TTC23: variants seen among roughly 807,000 people sequenced by gnomAD.
TTC23 encodes the protein tetratricopeptide repeat domain 23.
In TTC23, 58 loss-of-function variants were observed where a neutral mutation model predicts 55.1. That is an observed-to-expected ratio of 1.05 (90% CI 0.85 to 1.31). TTC23 has a LOEUF of 1.31. TTC23 is among the 50% of genes most tolerant of loss of function. The probability of loss-of-function intolerance (pLI) is 0.00; values close to 1 mark genes in which losing one functional copy is unlikely to be tolerated. For synonymous variants in TTC23, 203 were observed against 199.9 expected (o/e 1.02, Z -0.13); for missense variants, 516 against 534.4 (o/e 0.97, Z 0.34).
At chr15:99,239,014 A>C (rs1272106491) in intron 3 of TTC23, among the ~76,000 whole-genome samples, 1 of 152,224 alleles carries the variant, frequency 6.6e-6, no homozygotes, top group Non-Finnish European at 1.5e-5. Flanking sequence ...CAGGCTAAGA[A>C]GGCATTCATT....
intron 5 of TTC23, among the ~76,000 whole-genome samples, chr15:99,224,412 G>A (rs1260700802): frequency 6.6e-6 from 1 of 152,048 alleles, no homozygotes. Context: ...CTACATGCAG[G>A]TTTACAGCTG....
intron 8 of TTC23, among the ~76,000 whole-genome samples, chr15:99,207,583 C>T (rs1027801949): frequency 7.9e-5 from 12 of 152,088 alleles, no homozygotes; most frequent in Non-Finnish European, 1.6e-4. Flanking sequence ...ACGGTGAAAC[C>T]CCGTCTCTAC....
chr15:99,161,171 T>C (rs2071330091), intron 11 of TTC23: 1 of 151,878 alleles, frequency 6.6e-6, no homozygotes, highest in Admixed American at 6.6e-5. Flanking sequence ...ATTGTATATA[T>C]ATATATGTAT....
chr15:99,156,122 C>T (rs767409478), intron 12 of TTC23, 26 bp downstream of exon 12: 18 of 1,613,842 alleles, frequency 1.1e-5, no homozygotes, highest in South Asian at 3.3e-5. Context: ...AGCCTAGTCT[C>T]GTGTTAGTAC....
intron 10 of TTC23, among the ~76,000 whole-genome samples, chr15:99,167,104 AC>A (rs1373478213): frequency 6.6e-6 from 1 of 151,922 alleles, no homozygotes; most frequent in Non-Finnish European, 1.5e-5. Context: ...CAAAGGGGTC[AC>A]TTCCTGAGAA....
chr15:99,231,993 T>C (rs1230892446), intron 4 of TTC23, among the ~76,000 whole-genome samples: 1 of 150,198 alleles, frequency 6.7e-6, no homozygotes, highest in Non-Finnish European at 1.5e-5. Flanking sequence ...GGTTTCTCCA[T>C]GTTGGTCAGG....
At chr15:99,145,487 A>C (rs1194892534) in intron 12 of TTC23, 1 of 151,124 alleles carries the variant, frequency 6.6e-6, no homozygotes, top group East Asian at 2.0e-4. Flanking sequence ...AGGAGGTGAC[A>C]CTGGAGTGAC....
chr15:99,178,692 T>C (rs772834719), intron 9 of TTC23, among the ~76,000 whole-genome samples: 6 of 152,206 alleles, frequency 3.9e-5, no homozygotes, highest in African/African-American at 7.2e-5. Context: ...ACTTCCTATC[T>C]ACCCTTACTC....
intron 9 of TTC23, among the ~76,000 whole-genome samples, chr15:99,191,815 AAC>A (rs1330180511): frequency 6.6e-6 from 1 of 152,184 alleles, no homozygotes; most frequent in Non-Finnish European, 1.5e-5. Flanking sequence ...CAGAGGTTGG[AAC>A]AGTTTGGAGG....
At chr15:99,249,663 C>T (rs2080557457), upstream of TTC23, 1 of 152,148 alleles carries the variant, frequency 6.6e-6, no homozygotes. Context: ...AGTTTGCAAA[C>T]CAATCTTTGG....
chr15:99,205,331 T>G (rs983302617), intron 8 of TTC23, among the ~76,000 whole-genome samples: 52 of 152,104 alleles, frequency 3.4e-4, no homozygotes, highest in African/African-American at 1.2e-3. Flanking sequence ...TCTATTTCAA[T>G]GAAGAATGTA....
intron 1 of TTC23, chr15:99,248,406 A>G (rs2080445976): frequency 6.6e-6 from 1 of 152,202 alleles, no homozygotes; most frequent in Admixed American, 6.5e-5. Context: ...AAAGTTTCCA[A>G]ATGAACCTTC....
chr15:99,206,814 C>T (rs1437481146), intron 8 of TTC23, among the ~76,000 whole-genome samples: 2 of 151,866 alleles, frequency 1.3e-5, no homozygotes, highest in Non-Finnish European at 2.9e-5. Context: ...TTTATTTGTG[C>T]TTGGATTTTT....
intron 10 of TTC23, among the ~76,000 whole-genome samples, chr15:99,164,724 G>C (rs1376724236): frequency 2.6e-5 from 4 of 152,188 alleles, no homozygotes; most frequent in Admixed American, 2.6e-4. Flanking sequence ...CTTTTCCAAT[G>C]AATTGATTTG....
chr15:99,195,690 A>G (rs2075635915), intron 9 of TTC23, among the ~76,000 whole-genome samples: 1 of 152,192 alleles, frequency 6.6e-6, no homozygotes, highest in East Asian at 1.9e-4. Flanking sequence ...CACAGAATGT[A>G]CAATGCCAAG....
At chr15:99,139,458 TAAG>T in intron 12 of TTC23, 59 bp from the exon 13 acceptor site, 1 of 1,610,108 alleles carries the variant, frequency 6.2e-7, no homozygotes. Flanking sequence ...AGCAGGAAAC[TAAG>T]GTCTCCCTTG....
chr15:99,163,483 G>A (rs1272510158), intron 10 of TTC23, among the ~76,000 whole-genome samples: 3 of 152,206 alleles, frequency 2.0e-5, no homozygotes, highest in Non-Finnish European at 4.4e-5. Flanking sequence ...ATTTCAGTCT[G>A]AGCAGAGAAG....
intron 9 of TTC23, among the ~76,000 whole-genome samples, chr15:99,184,761 A>C (rs764080411): frequency 3.3e-5 from 5 of 152,120 alleles, no homozygotes; most frequent in Admixed American, 1.3e-4. Context: ...GAAGGGCATG[A>C]CTATGTTTTG....
chr15:99,191,002 C>G (rs1278057918), intron 9 of TTC23, among the ~76,000 whole-genome samples: 1 of 151,968 alleles, frequency 6.6e-6, no homozygotes. Context: ...CCAGGCTGGT[C>G]TTGAACTTCT....
Sources: allele counts gnomAD v4.1 joint callset (sites outside exome capture counted in the v4.1 genomes callset), GRCh38; gene constraint gnomAD v4.1.1; transcripts MANE v1.5; gene names NCBI Gene and HGNC (gene_info 2026-07-23, HGNC 2026-07-21).